DPYD: variants seen among roughly 807,000 people sequenced by gnomAD.
DPYD encodes the protein dihydropyrimidine dehydrogenase [NADP(+)].
A neutral mutation model predicts 116.2 loss-of-function variants in DPYD; 109 were observed. The observed-to-expected ratio is 0.94, with a 90% CI of 0.80 to 1.10. DPYD has a LOEUF of 1.10. Ranked by LOEUF, DPYD falls within the 50% of genes least tolerant of loss-of-function variation. The pLI, the probability that DPYD is intolerant of heterozygous loss-of-function variation, is 0.00. For missense variants in DPYD, 1,302 were observed against 1,254.5 expected, an observed-to-expected ratio of 1.04 and a Z score of -0.57; for synonymous variants, 440 against 432.0, an observed-to-expected ratio of 1.02 and a Z score of -0.23.
chr1:97,348,740 T>C (rs1669982087), intron 16 of DPYD, among the ~76,000 whole-genome samples: 1 of 152,128 alleles, frequency 6.6e-6, no homozygotes, highest in African/African-American at 2.4e-5. Context: ...ACCTTGCCCT[T>C]AGAAAGTGGC....
At chr1:97,395,756 T>C (rs908748071) in intron 14 of DPYD, among the ~76,000 whole-genome samples, 1 of 152,064 alleles carries the variant, frequency 6.6e-6, no homozygotes, top group Non-Finnish European at 1.5e-5. Context: ...GAGGTGATGA[T>C]GTACCAGAGT....
At position 97,539,995 on chromosome 1, in the gene DPYD, T is replaced by C. The variant is rs563454391; in HGVS notation, c.1524+9565A>G. Among the ~76,000 whole-genome samples, 31 of 152,172 alleles carry C rather than the reference T, an allele frequency of 2.0e-4. 1 individual carries two copies. Among genetic ancestry groups the C allele is most frequent in the Middle Eastern group, 3.4e-3 (1 of 294 alleles). On this transcript the variant is annotated intron_variant, in intron 12 of 22. Coordinates refer to ENST00000370192, the MANE Select transcript of DPYD (RefSeq NM_000110.4). The stretch of plus-strand genomic sequence containing the variant: ...GTGAGTGGATAAAACAAACTCAGTT[T>C]CTCCACTAAAATCTCACAACACGCT...
At chr1:97,179,233 G>A (rs1201873400) in intron 20 of DPYD, among the ~76,000 whole-genome samples, 1 of 152,110 alleles carries the variant, frequency 6.6e-6, no homozygotes, top group East Asian at 1.9e-4. Context: ...AGTAGCACAG[G>A]AATAATTTTA....
intron 3 of DPYD, among the ~76,000 whole-genome samples, chr1:97,743,237 G>A (rs1664364916): frequency 6.6e-6 from 1 of 152,102 alleles, no homozygotes; most frequent in Non-Finnish European, 1.5e-5. Context: ...ACGCAAACCT[G>A]AATTGTAGCA....
intron 10 of DPYD, among the ~76,000 whole-genome samples, chr1:97,579,289 G>C (rs2102202834): frequency 6.6e-6 from 1 of 152,286 alleles, no homozygotes; most frequent in South Asian, 2.1e-4. Context: ...TTGTTTAGTA[G>C]AATGAAGGAC....
intron 12 of DPYD, 127 bp from the exon 13 acceptor site, chr1:97,516,068 A>G (rs1242441627): frequency 5.0e-6 from 5 of 995,910 alleles, no homozygotes; most frequent in Non-Finnish European, 6.1e-6. Flanking sequence ...TTTACAATGA[A>G]AAAAACTGGC....
At chr1:97,235,131 T>C (rs1661824947) in intron 18 of DPYD, 137 bp from the exon 19 acceptor site, 1 of 948,896 alleles carries the variant, frequency 1.1e-6, no homozygotes, top group Admixed American at 2.0e-5. Context: ...TTAAGATGTA[T>C]ATACATATGT....
At chr1:97,361,989 A>G (rs138009589) in intron 16 of DPYD, among the ~76,000 whole-genome samples, 64 of 152,366 alleles carry the variant, frequency 4.2e-4, no homozygotes, top group African/African-American at 1.4e-3. Context: ...AAGGGCATTC[A>G]ATTAGGAAAA....
At position 97,771,550 on chromosome 1, in the gene DPYD, C is replaced by A. The variant is rs182070326; in HGVS notation, c.234-31071G>T. ...AAGCAGTATATCTTATTTAAAAGCA[C>A]ACATTCTAAAGAAAGAAAATTAAAT... is the stretch of plus-strand genomic sequence containing the variant. On this transcript the variant is annotated intron_variant, in intron 3 of 22. Transcript: ENST00000370192. Among the ~76,000 whole-genome samples, 186 of 152,236 alleles carry A rather than the reference C, an allele frequency of 1.2e-3. No homozygotes were observed. The Middle Eastern group carries it at 0.024, about 19-fold the overall frequency.
chr1:97,780,834 C>T (rs1666700312), intron 3 of DPYD, among the ~76,000 whole-genome samples: 1 of 152,150 alleles, frequency 6.6e-6, no homozygotes, highest in Admixed American at 6.6e-5. Context: ...AGAGTAATTT[C>T]ACTGACATTT....
chr1:97,407,927 C>T (rs1405532826), intron 14 of DPYD, among the ~76,000 whole-genome samples: 2 of 152,276 alleles, frequency 1.3e-5, no homozygotes, highest in East Asian at 3.9e-4. Flanking sequence ...TTTGGGCTAC[C>T]TCTCAGTCAA....
chr1:97,225,129 GGTCACATC>G (rs1029649373), intron 19 of DPYD, among the ~76,000 whole-genome samples: 3 of 151,892 alleles, frequency 2.0e-5, no homozygotes, highest in Non-Finnish European at 4.4e-5. Flanking sequence ...AGGATCGCTA[GGTCACATC>G]GTAGTTCTGT....
intron 4 of DPYD, among the ~76,000 whole-genome samples, chr1:97,736,774 C>T (rs1217165590): frequency 1.3e-5 from 2 of 151,634 alleles, no homozygotes; most frequent in African/African-American, 4.8e-5. Context: ...CTCAACTCAG[C>T]AACTCTGCAG....
chr1:97,262,360 T>C (rs950668088), intron 18 of DPYD, among the ~76,000 whole-genome samples: 1 of 152,042 alleles, frequency 6.6e-6, no homozygotes, highest in Admixed American at 6.6e-5. Flanking sequence ...AGCGATTGCA[T>C]GTAAAATGCT....
chr1:97,869,900 C>T (rs1671574195), intron 2 of DPYD, among the ~76,000 whole-genome samples: 1 of 151,782 alleles, frequency 6.6e-6, no homozygotes, highest in African/African-American at 2.4e-5. Flanking sequence ...AAAATATGAA[C>T]ATCAAATACA....
At chr1:97,866,223 G>A (rs943793758) in intron 2 of DPYD, among the ~76,000 whole-genome samples, 1 of 151,886 alleles carries the variant, frequency 6.6e-6, no homozygotes, top group Non-Finnish European at 1.5e-5. Flanking sequence ...AAGACTTTCG[G>A]TTCAGTTGAG....
intron 18 of DPYD, among the ~76,000 whole-genome samples, chr1:97,284,503 T>A (rs750592596): frequency 2.6e-4 from 40 of 152,258 alleles, no homozygotes; most frequent in Non-Finnish European, 4.7e-4. Context: ...ATTCCTGGAA[T>A]ATTCTTCTTT....
At chr1:97,296,604 A>C (rs954528169) in intron 18 of DPYD, among the ~76,000 whole-genome samples, 2 of 152,140 alleles carry the variant, frequency 1.3e-5, no homozygotes, top group East Asian at 3.9e-4. Context: ...GTTTTGATAA[A>C]GTATAAATTA....
chr1:97,417,798 C>G (rs1383852429), intron 14 of DPYD, among the ~76,000 whole-genome samples: 4 of 152,120 alleles, frequency 2.6e-5, no homozygotes, highest in African/African-American at 9.7e-5. Context: ...ATCTTGTTAT[C>G]AGTTTAATAA....
Sources: gnomAD v4.1 joint callset for allele counts (sites outside exome capture counted in the v4.1 genomes callset) on GRCh38, gnomAD v4.1.1 for gene constraint, MANE v1.5 for transcripts, NCBI Gene and HGNC (gene_info 2026-07-23, HGNC 2026-07-21) for gene names.